The following SLC6A16 variants were observed in gnomAD, a reference collection of about 807,000 sequenced individuals.
SLC6A16 encodes solute carrier family 6 member 16, also known as orphan sodium- and chloride-dependent neurotransmitter transporter NTT5.
A neutral mutation model predicts 65.4 loss-of-function variants in SLC6A16; 54 were observed. That is an observed-to-expected ratio of 0.83 (90% CI 0.66 to 1.04). The LOEUF (loss-of-function observed/expected upper bound fraction) is 1.04. Among genes scored for constraint, SLC6A16 ranks in the 50% least tolerant of loss-of-function variants. The pLI, the probability that SLC6A16 is intolerant of heterozygous loss-of-function variation, is 0.00. For synonymous variants in SLC6A16, 330 were observed against 346.5 expected (o/e 0.95, Z 0.53); for missense variants, 816 against 914.0 (o/e 0.89, Z 1.38).
At chr19:49,303,305 G>T (rs79406586) in intron 7 of SLC6A16, among the ~76,000 whole-genome samples, 1,576 of 152,244 alleles carry the variant, frequency 0.01, 27 homozygotes, top group African/African-American at 0.036. Flanking sequence ...GAGAGAGTAA[G>T]ATGATATATT....
At chr19:49,338,922 C>A in the SLC6A16 span, 18 of 1,612,856 alleles carry the variant, frequency 1.1e-5, no homozygotes, top group Non-Finnish European at 1.5e-5. This position sits in a 1 kb window ranked among gnomAD's most constrained non-coding sequence, Gnocchi z 5.0. Context: ...TGCAGAGAGC[C>A]ACATCTACCG....
the SLC6A16 span, chr19:49,331,766 C>T: frequency 6.6e-6 from 3 of 457,302 alleles, no homozygotes; most frequent in Admixed American, 7.0e-5. Context: ...TTCCATTGGC[C>T]CAAGACCAGT....
At chr19:49,310,202 G>A (rs1487337467) in intron 3 of SLC6A16, 36 bp from the exon 4 acceptor site, 12 of 1,613,202 alleles carry the variant, frequency 7.4e-6, no homozygotes, top group Admixed American at 1.7e-5. Flanking sequence ...GGGAGGAAGA[G>A]CAGGGACAGG....
the SLC6A16 span, chr19:49,338,093 C>T: frequency 3.8e-6 from 6 of 1,582,390 alleles, no homozygotes; most frequent in Non-Finnish European, 5.2e-6. This position sits in a 1 kb window ranked among gnomAD's most constrained non-coding sequence, Gnocchi z 5.0. Context: ...TTGGAGGAGA[C>T]TCCACCCCAA....
At position 49,290,632 on chromosome 19, in the gene SLC6A16, G is replaced by T; in HGVS notation, c.1914C>A (p.Ile638=). The part of the protein sequence containing the change: ...TMMVHLCMKP[I]TYMSWDSSTS... The stretch of plus-strand genomic sequence containing the variant: ...TGCTTGAGTCCCAGGACATGTAGGT[G>T]ATCGGCTTCATACAAAGATGAACCA... Residue 638 remains isoleucine (I), a synonymous_variant, in exon 11 of 12, where the codon ATC becomes ATA. Coordinates refer to ENST00000335875, the MANE Select transcript of SLC6A16 (RefSeq NM_014037.3). The T allele has an allele frequency of 6.2e-7, 1 of 1,614,168 alleles. No individual in the cohort carries two copies. Among genetic ancestry groups the T allele is most frequent in the Non-Finnish European group, 8.5e-7 (1 of 1,180,020 alleles).
Position 49,311,184 on chromosome 19 carries a change from C to G in SLC6A16, c.164G>C (p.Arg55Pro), listed in dbSNP as rs762642541. The G allele has an allele frequency of 1.2e-6, 2 of 1,614,098 alleles. No individual in the cohort carries two copies. The highest frequency in any genetic ancestry group is 4.5e-5 in the East Asian group (2 of 44,880). ...WTSEAQVSAA[R>P]VAEAQARTSQ... The stretch of plus-strand genomic sequence containing the variant: ...GGTCCTGGCCTGAGCCTCTGCAACC[C>G]GGGCTGCTGAAACTTGGGCCTCTGA... The change falls in exon 2 of 12, where the codon CGG (arginine) becomes CCG (proline). Residue 55 changes from arginine (R) to proline (P), a missense_variant. Coordinates refer to ENST00000335875, the MANE Select transcript of SLC6A16 (RefSeq NM_014037.3).
At chr19:49,339,382 T>C in the SLC6A16 span, 2 of 1,614,014 alleles carry the variant, frequency 1.2e-6, no homozygotes, top group East Asian at 2.2e-5. This position sits in a 1 kb window ranked among gnomAD's most constrained non-coding sequence, Gnocchi z 4.5. Flanking sequence ...ATTTCCATAG[T>C]GGGCATTTGC....
chr19:49,339,479 G>C, the SLC6A16 span: 2 of 1,558,370 alleles, frequency 1.3e-6, no homozygotes, highest in South Asian at 2.2e-5. This position sits in a 1 kb window ranked among gnomAD's most constrained non-coding sequence, Gnocchi z 4.5. Context: ...CCTTCATTTC[G>C]CGTCCTTCGG....
chr19:49,336,666 G>C, the SLC6A16 span: 215,059 of 473,946 alleles, frequency 0.45, 51,157 homozygotes, highest in Admixed American at 0.55. Flanking sequence ...TGGGGACGAG[G>C]AGGAGCTGAA....
At chr19:49,338,216 T>G in the SLC6A16 span, 9 of 1,426,498 alleles carry the variant, frequency 6.3e-6, no homozygotes, top group South Asian at 1.4e-4. This position sits in a 1 kb window ranked among gnomAD's most constrained non-coding sequence, Gnocchi z 5.0. Context: ...GGTCTCCCAG[T>G]ACCCAGACCC....
intron 7 of SLC6A16, among the ~76,000 whole-genome samples, chr19:49,302,572 A>G (rs1970310491): frequency 6.6e-6 from 1 of 152,210 alleles, no homozygotes; most frequent in South Asian, 2.1e-4. Context: ...GACTATAAAA[A>G]TCATGAAGAA....
At position 49,309,097 on chromosome 19, in the gene SLC6A16, C is replaced by T. The variant is rs1453496896; in HGVS notation, c.1008G>A (p.Met336Ile). ...VVAKISDVYNMSVWSLAGGQV... is the reference protein window; with the variant it reads ...VVAKISDVYNISVWSLAGGQV... The stretch of plus-strand genomic sequence containing the variant: ...GACCCCCTGCTAGAGACCACACACT[C>T]ATATTGTACACATCCGATATCTAAA... Residue 336 changes from methionine (M) to isoleucine (I), a missense_variant, in exon 7 of 12, where the codon ATG becomes ATA. Physicochemically the swap from Met to Ile is conservative, Grantham distance 10. Coordinates refer to ENST00000335875, the MANE Select transcript of SLC6A16 (RefSeq NM_014037.3). 1 of 1,614,162 alleles carries T rather than the reference C, an allele frequency of 6.2e-7. No homozygotes were observed. The highest frequency in any genetic ancestry group is 1.1e-5 in the South Asian group (1 of 91,074).
chr19:49,310,020 T>G lies in SLC6A16; in HGVS notation c.700+20A>C. On this transcript the variant is annotated intron_variant, in intron 4 of 11. Coordinates refer to ENST00000335875, the MANE Select transcript of SLC6A16 (RefSeq NM_014037.3). ...ACTTCTCCATTTTTCCCTTCTCCTC[T>G]TCTTTCACTTCCTCCTCACCAAAGC... 1 of 1,612,484 alleles carries G rather than the reference T, an allele frequency of 6.2e-7. No homozygotes were observed. The highest frequency in any genetic ancestry group is 1.1e-5 in the South Asian group (1 of 90,992).
chr19:49,293,215 G>A lies in SLC6A16; in HGVS notation c.1778+8C>T, dbSNP rs1970111554. ...ATGCTTTGTGAGAACCTGGGCTTAGGACATCACCTCCTGGCCCCATAGGCC... is the reference window on the plus strand; with the variant it reads ...ATGCTTTGTGAGAACCTGGGCTTAGAACATCACCTCCTGGCCCCATAGGCC... On this transcript the variant is annotated splice_region_variant and intron_variant, in intron 10 of 11. Coordinates refer to ENST00000335875, the MANE Select transcript of SLC6A16 (RefSeq NM_014037.3). The A allele has an allele frequency of 6.2e-7, 1 of 1,613,962 alleles. No homozygotes were observed. Among genetic ancestry groups the A allele is most frequent in the Non-Finnish European group, 8.5e-7 (1 of 1,179,936 alleles).
chr19:49,310,348 C>G lies in SLC6A16; in HGVS notation c.573+5G>C. ...GTCAGGCCTGGGCAGCCATGGGCTC[C>G]TCACCATGAAGCTAGAATACCCCAC... On this transcript the variant is annotated splice_donor_5th_base_variant and intron_variant, in intron 3 of 11. Coordinates refer to ENST00000335875, the MANE Select transcript of SLC6A16 (RefSeq NM_014037.3). The G allele has an allele frequency of 6.2e-7, 1 of 1,613,858 alleles. No homozygotes were observed.
At chr19:49,298,312 G>C (rs1165394959) in intron 7 of SLC6A16, among the ~76,000 whole-genome samples, 1 of 152,090 alleles carries the variant, frequency 6.6e-6, no homozygotes, top group East Asian at 1.9e-4. Context: ...AACTCAACAT[G>C]AAGGAGAGAA....
chr19:49,331,728 G>C, the SLC6A16 span: 3 of 456,978 alleles, frequency 6.6e-6, no homozygotes, highest in South Asian at 4.6e-5. Flanking sequence ...GCTGAGTCTA[G>C]AAATGGGCTG....
At chr19:49,299,602 G>GAAAA (rs770862202) in intron 7 of SLC6A16, among the ~76,000 whole-genome samples, 1 of 115,338 alleles carries the variant, frequency 8.7e-6, no homozygotes, top group African/African-American at 3.1e-5. Context: ...AATGTGCTAG[G>GAAAA]AAAAAAAAAA....
chr19:49,338,870 C>T, the SLC6A16 span: 1 of 1,614,160 alleles, frequency 6.2e-7, no homozygotes. This position sits in a 1 kb window ranked among gnomAD's most constrained non-coding sequence, Gnocchi z 5.0. Context: ...GGCTTGGACA[C>T]CTGGCGCGGT....
Sources: gnomAD v4.1 joint callset for allele counts (sites outside exome capture counted in the v4.1 genomes callset) on GRCh38, gnomAD v4.1.1 for gene constraint, Gnocchi (gnomAD v3.1) non-coding constraint, MANE v1.5 for transcripts, NCBI Gene and HGNC (gene_info 2026-07-23, HGNC 2026-07-21) for gene names.